Variants in LOC128092253 observed in about 807,000 individuals in gnomAD.
chr6:133,961,127 A>G, the LOC128092253 span, among the ~76,000 whole-genome samples: 4 of 152,168 alleles, frequency 2.6e-5, no homozygotes, highest in African/African-American at 9.7e-5. Context: ...GAGGCTACTC[A>G]GATTCTTATT....
chr6:133,977,233 ACTT>A, the LOC128092253 span, among the ~76,000 whole-genome samples: 2 of 151,978 alleles, frequency 1.3e-5, no homozygotes, highest in Non-Finnish European at 2.9e-5. Flanking sequence ...TTAATTGAAA[ACTT>A]CTTATTAAAG....
the LOC128092253 span, among the ~76,000 whole-genome samples, chr6:133,974,649 T>A: frequency 6.6e-6 from 1 of 152,228 alleles, no homozygotes; most frequent in Non-Finnish European, 1.5e-5. Flanking sequence ...TTCTTATTGT[T>A]ACTGGTTGAC....
the LOC128092253 span, among the ~76,000 whole-genome samples, chr6:133,967,234 T>C: frequency 5.3e-5 from 8 of 152,190 alleles, no homozygotes; most frequent in Admixed American, 3.3e-4. Context: ...TTCATTGTTA[T>C]AGAATTGATT....
the LOC128092253 span, among the ~76,000 whole-genome samples, chr6:133,976,105 ATGT>A: frequency 6.6e-6 from 1 of 152,216 alleles, no homozygotes; most frequent in African/African-American, 2.4e-5. Flanking sequence ...ATTTTCATGA[ATGT>A]TGTGTCAAAG....
At chr6:133,978,361 G>A in the LOC128092253 span, among the ~76,000 whole-genome samples, 1 of 152,250 alleles carries the variant, frequency 6.6e-6, no homozygotes, top group East Asian at 1.9e-4. Flanking sequence ...TGGTAGGCAT[G>A]GTCTATTCCA....
the LOC128092253 span, among the ~76,000 whole-genome samples, chr6:133,960,418 C>CTTTT: frequency 0.049 from 6,428 of 131,396 alleles, 139 homozygotes; most frequent in Admixed American, 0.067. Context: ...GCTGACCAGC[C>CTTTT]TTTTTTTTTT....
the LOC128092253 span, among the ~76,000 whole-genome samples, chr6:133,971,690 T>C: frequency 6.6e-6 from 1 of 152,250 alleles, no homozygotes; most frequent in East Asian, 1.9e-4. Flanking sequence ...ATACGTGATG[T>C]TGAACATTTT....
At chr6:133,956,724 A>T in the LOC128092253 span, among the ~76,000 whole-genome samples, 4 of 152,212 alleles carry the variant, frequency 2.6e-5, no homozygotes, top group Admixed American at 6.5e-5. Context: ...TCAACTTTGT[A>T]TTCTGGCTGT....
At chr6:133,964,707 C>G in the LOC128092253 span, among the ~76,000 whole-genome samples, 11 of 152,248 alleles carry the variant, frequency 7.2e-5, no homozygotes, top group South Asian at 2.3e-3. Flanking sequence ...CTCAGCTTCC[C>G]AAAGTGCTGG....
the LOC128092253 span, among the ~76,000 whole-genome samples, chr6:133,971,376 G>A: frequency 1.2e-3 from 189 of 152,244 alleles, 1 homozygote; most frequent in South Asian, 0.013. Context: ...AGTAAATAGC[G>A]AAGTATAGAA....
the LOC128092253 span, among the ~76,000 whole-genome samples, chr6:133,964,452 TG>T: frequency 1.3e-5 from 2 of 151,034 alleles, no homozygotes; most frequent in African/African-American, 2.4e-5. Flanking sequence ...TTGGGTTTTT[TG>T]GGTTTTTTTT....
At chr6:133,961,465 CTTTTTTTTTTT>C in the LOC128092253 span, among the ~76,000 whole-genome samples, 2 of 100,208 alleles carry the variant, frequency 2.0e-5, no homozygotes, top group Admixed American at 1.1e-4. Context: ...TTCTTTCTTT[CTTTTTTTTTTT>C]TTTTTTTTTT....
chr6:133,980,059 C>T, the LOC128092253 span: 1 of 1,377,900 alleles, frequency 7.3e-7, no homozygotes, highest in East Asian at 2.7e-5. Flanking sequence ...AGTTTAATGA[C>T]TTTATTTTGT....
chr6:133,973,432 G>A, the LOC128092253 span, among the ~76,000 whole-genome samples: 2 of 152,074 alleles, frequency 1.3e-5, no homozygotes, highest in African/African-American at 4.8e-5. Context: ...TATTCTCTTG[G>A]CTTTCAATTA....
chr6:133,960,907 G>C, the LOC128092253 span, among the ~76,000 whole-genome samples: 1 of 152,198 alleles, frequency 6.6e-6, no homozygotes, highest in Non-Finnish European at 1.5e-5. Flanking sequence ...AAGGTCAGTA[G>C]GTGTGTTTTA....
chr6:133,962,438 C>T, the LOC128092253 span, among the ~76,000 whole-genome samples: 1 of 152,096 alleles, frequency 6.6e-6, no homozygotes, highest in South Asian at 2.1e-4. Flanking sequence ...GTTAACTGAG[C>T]AGAGGAGAAG....
At chr6:133,970,381 C>G in the LOC128092253 span, among the ~76,000 whole-genome samples, 1 of 152,234 alleles carries the variant, frequency 6.6e-6, no homozygotes, top group Admixed American at 6.5e-5. Context: ...CTATTACTCT[C>G]TTTGGTCTGG....
At chr6:133,977,651 G>A in the LOC128092253 span, among the ~76,000 whole-genome samples, 3 of 152,190 alleles carry the variant, frequency 2.0e-5, no homozygotes, top group Non-Finnish European at 4.4e-5. Flanking sequence ...CAAGGGATGT[G>A]CAACAGTTAG....
chr6:133,956,319 G>A, the LOC128092253 span, among the ~76,000 whole-genome samples: 1 of 152,184 alleles, frequency 6.6e-6, no homozygotes, highest in Non-Finnish European at 1.5e-5. Context: ...ATTTTGTTGT[G>A]CCTTCTGTAT....
Sources: allele counts gnomAD v4.1 joint callset (sites outside exome capture counted in the v4.1 genomes callset), GRCh38; gene constraint gnomAD v4.1.1; transcripts MANE v1.5.